UBR3: variants seen among roughly 807,000 people sequenced by gnomAD.
The protein encoded by UBR3 is E3 ubiquitin-protein ligase UBR3.
Under a neutral mutation model 243.2 loss-of-function variants are expected in UBR3, and 85 were observed. The observed-to-expected ratio is 0.35, with a 90% CI of 0.29 to 0.42. The LOEUF (loss-of-function observed/expected upper bound fraction) is 0.42, where lower values mean the gene tolerates loss of function less well. Among genes scored for constraint, UBR3 ranks in the 10% least tolerant of loss-of-function variants. UBR3 has a pLI of 1.00. For synonymous variants in UBR3, 748 were observed against 799.8 expected (o/e 0.94, Z 1.09); for missense variants, 1,686 against 2,300.8 (o/e 0.73, Z 5.47).
chr2:169,888,499 T>G (rs1459629989), intron 5 of UBR3, among the ~76,000 whole-genome samples: 1 of 152,216 alleles, frequency 6.6e-6, no homozygotes, highest in Admixed American at 6.5e-5. Context: ...CATATTTTAA[T>G]GGTTTCATGC....
At chr2:170,018,497 TACTGGTTCTAGAG>T (rs1393114300) in intron 30 of UBR3, among the ~76,000 whole-genome samples, 1 of 152,284 alleles carries the variant, frequency 6.6e-6, no homozygotes, top group South Asian at 2.1e-4. Context: ...CAGCACATGA[TACTGGTTCTAGAG>T]ACTGGTTCTC....
chr2:169,877,753 C>A, intron 4 of UBR3, 116 bp downstream of exon 4: 4 of 1,049,244 alleles, frequency 3.8e-6, no homozygotes, highest in Non-Finnish European at 5.3e-6. Flanking sequence ...CAGTATTATT[C>A]TTTTTAAGAA....
chr2:170,055,248 G>A (rs938661101), intron 32 of UBR3, among the ~76,000 whole-genome samples: 2 of 152,150 alleles, frequency 1.3e-5, no homozygotes, highest in Admixed American at 6.5e-5. Flanking sequence ...GGAGGTCGAG[G>A]CTTCAGTAAA....
chr2:169,952,119 A>G (rs901227985), intron 23 of UBR3, among the ~76,000 whole-genome samples: 1 of 152,200 alleles, frequency 6.6e-6, no homozygotes, highest in African/African-American at 2.4e-5. Flanking sequence ...ATATGGGAGA[A>G]GGTTTACAGT....
rs1201731223 is a variant in UBR3, at chr2:170,079,909, C to G, written c.5295C>G (p.Thr1765=). 1 of 1,614,046 alleles carries G rather than the reference C, an allele frequency of 6.2e-7. No individual in the cohort carries two copies. ...NTIFQYYHRK[T]CSVCTKVPKD... ...TTTTTCAGTACTACCACAGAAAAAC[C>G]TGTAGTGTCTGCACCAAGGTTCCTA... The change falls in exon 37 of 39, where the codon ACC becomes ACG. Residue 1765 remains threonine, a synonymous_variant. Coordinates refer to ENST00000272793, the MANE Select transcript of UBR3 (RefSeq NM_172070.4).
At chr2:169,852,570 CG>C (rs992730069) in intron 1 of UBR3, among the ~76,000 whole-genome samples, 9 of 151,966 alleles carry the variant, frequency 5.9e-5, no homozygotes, top group African/African-American at 2.2e-4. Context: ...AGGCTGGGCA[CG>C]GTGGCTCACG....
rs2087534483 is a variant in UBR3 at position 169,960,762 on chromosome 2, T to G, written c.3634+2236T>G. On this transcript the variant is annotated intron_variant, in intron 24 of 38. Transcript: ENST00000272793. ...TTGTCAAAGTTGCTGACATTTTGTT[T>G]TGCAGTCACATTAATGTCTTCCATA... Among the ~76,000 whole-genome samples the G allele has an allele frequency of 2.0e-5, 3 of 152,120 alleles. No homozygotes were observed. The South Asian group carries it at 6.2e-4, about 31-fold the overall frequency.
chr2:169,835,158 T>C (rs1558997239), intron 1 of UBR3, among the ~76,000 whole-genome samples: 1 of 152,192 alleles, frequency 6.6e-6, no homozygotes, highest in Non-Finnish European at 1.5e-5. Context: ...ACTTAAGATG[T>C]TTTAAATGGT....
At chr2:169,874,525 G>A (rs1286887365) in intron 2 of UBR3, among the ~76,000 whole-genome samples, 1 of 152,024 alleles carries the variant, frequency 6.6e-6, no homozygotes, top group Non-Finnish European at 1.5e-5. Flanking sequence ...ATTAAAGAAA[G>A]GTCTTGCAAT....
intron 36 of UBR3, 133 bp downstream of exon 36, chr2:170,073,740 G>T: frequency 2.4e-6 from 2 of 833,158 alleles, no homozygotes; most frequent in South Asian, 2.0e-5. Flanking sequence ...TGAAAAAATT[G>T]TTTACTTATG....
In UBR3 at chr2:170,061,075, T is replaced by G. The variant is rs2091447424; in HGVS notation, c.4786-4T>G. ...CAGTGTAACCAATATTTTAATTTTT[T>G]CAGAGTACATGTGATGCAGAAAAGT... On this transcript the variant is annotated splice_region_variant and splice_polypyrimidine_tract_variant and intron_variant, in intron 33 of 38. Coordinates refer to ENST00000272793, the MANE Select transcript of UBR3 (RefSeq NM_172070.4). 1 of 1,524,994 alleles carries G rather than the reference T, an allele frequency of 6.6e-7. No homozygotes were observed. The highest frequency in any genetic ancestry group is 1.4e-5 in the African/African-American group (1 of 70,468). The allele number at this position is 1,524,994 out of a possible 1,614,324, so 94.5% of individuals were successfully genotyped here.
intron 19 of UBR3, among the ~76,000 whole-genome samples, chr2:169,938,125 T>C (rs1377075443): frequency 6.6e-6 from 1 of 152,180 alleles, no homozygotes; most frequent in African/African-American, 2.4e-5. Context: ...GCCCCTTGCC[T>C]TCCCACCTCC....
At chr2:170,058,943 A>G (rs2091400490) in intron 33 of UBR3, among the ~76,000 whole-genome samples, 1 of 152,214 alleles carries the variant, frequency 6.6e-6, no homozygotes, top group Non-Finnish European at 1.5e-5. Flanking sequence ...TAGACAAAGT[A>G]TTCTACCCAG....
chr2:169,951,433 G>C (rs550082909), intron 23 of UBR3, among the ~76,000 whole-genome samples: 3 of 152,280 alleles, frequency 2.0e-5, no homozygotes, highest in Admixed American at 6.5e-5. Flanking sequence ...ACATATCTGT[G>C]TCTGGTGTTG....
rs2091772309 is a variant in UBR3, at chr2:170,074,880, G to C, written c.5199+1273G>C. On this transcript the variant is annotated intron_variant, in intron 36 of 38. Transcript: ENST00000272793. ...AGAAATTGTTCCTTATTTATCCCCG[G>C]TTTCTAGAAAGTGCCTCATATATAC... Among the ~76,000 whole-genome samples, 4 of 152,004 alleles carry C rather than the reference G, an allele frequency of 2.6e-5. No individual in the cohort carries two copies. In the South Asian group the frequency reaches 8.3e-4, roughly 32 times the overall value.
At chr2:169,999,348 A>G (rs145766616) in intron 26 of UBR3, among the ~76,000 whole-genome samples, 62 of 152,334 alleles carry the variant, frequency 4.1e-4, no homozygotes, top group African/African-American at 1.5e-3. Flanking sequence ...TGATTTATGC[A>G]GCTTCACATC....
chr2:169,908,821 C>CTTTTT (rs11388865), intron 10 of UBR3, among the ~76,000 whole-genome samples: 1 of 124,058 alleles, frequency 8.1e-6, no homozygotes. Flanking sequence ...GTGATTGGTC[C>CTTTTT]TTTTTTTTTT....
At chr2:169,920,597 A>G (rs1038686231) in intron 11 of UBR3, among the ~76,000 whole-genome samples, 5 of 152,186 alleles carry the variant, frequency 3.3e-5, no homozygotes, top group African/African-American at 9.7e-5. Flanking sequence ...CCCTGAGTGT[A>G]TGTGCCTCAT....
chr2:169,879,874 G>C (rs1250037018), intron 5 of UBR3, among the ~76,000 whole-genome samples: 4 of 152,080 alleles, frequency 2.6e-5, no homozygotes, highest in Non-Finnish European at 5.9e-5. Context: ...AAAATTTTCT[G>C]ATATTTAAAA....
Sources: allele counts gnomAD v4.1 joint callset (sites outside exome capture counted in the v4.1 genomes callset), GRCh38; gene constraint gnomAD v4.1.1; transcripts MANE v1.5; gene names NCBI Gene and HGNC (gene_info 2026-07-23, HGNC 2026-07-21).